CNTN5: variants seen among roughly 807,000 people sequenced by gnomAD.
CNTN5 encodes the protein contactin-5.
Under a neutral mutation model 129.1 loss-of-function variants are expected in CNTN5, and 77 were observed. The observed-to-expected ratio is 0.60, with a 90% CI of 0.50 to 0.72. The LOEUF is 0.72. CNTN5 is among the 30% of genes least tolerant of loss of function. The pLI, the probability that CNTN5 is intolerant of heterozygous loss-of-function variation, is 0.00. For missense variants in CNTN5, 1,478 were observed against 1,328.8 expected (o/e 1.11, Z -1.75); for synonymous variants, 509 against 465.6 (o/e 1.09, Z -1.20).
intron 7 of CNTN5, among the ~76,000 whole-genome samples, chr11:99,921,781 T>G (rs1236488138): frequency 6.6e-6 from 1 of 152,144 alleles, no homozygotes; most frequent in East Asian, 1.9e-4. Context: ...TATTCAGAAA[T>G]ATATGAAATG....
At chr11:99,244,098 A>T (rs756149815) in intron 1 of CNTN5, among the ~76,000 whole-genome samples, 8 of 152,172 alleles carry the variant, frequency 5.3e-5, no homozygotes, top group Non-Finnish European at 1.2e-4. Flanking sequence ...ATCCATGAAC[A>T]TAGAATGTTT....
At chr11:100,038,388 C>G (rs1031563718) in intron 9 of CNTN5, among the ~76,000 whole-genome samples, 17 of 152,060 alleles carry the variant, frequency 1.1e-4, no homozygotes, top group Non-Finnish European at 2.2e-4. Flanking sequence ...TTACTTCCAA[C>G]TATGTGGTCA....
intron 2 of CNTN5, among the ~76,000 whole-genome samples, chr11:99,510,577 C>G (rs572134880): frequency 3.3e-5 from 5 of 152,114 alleles, no homozygotes; most frequent in African/African-American, 1.2e-4. Flanking sequence ...GTCATGTACC[C>G]CATAACAATG....
At chr11:99,771,775 A>G (rs1048602567) in intron 3 of CNTN5, among the ~76,000 whole-genome samples, 2 of 151,984 alleles carry the variant, frequency 1.3e-5, no homozygotes, top group African/African-American at 4.8e-5. Context: ...GAAATTTGCT[A>G]AGATGGTAGA....
intron 3 of CNTN5, among the ~76,000 whole-genome samples, chr11:99,697,669 G>T (rs1193526145): frequency 6.6e-6 from 1 of 151,598 alleles, no homozygotes; most frequent in African/African-American, 2.4e-5. Flanking sequence ...AATAAAGTAT[G>T]AACTTTAATG....
intron 20 of CNTN5, among the ~76,000 whole-genome samples, chr11:100,306,168 T>C (rs2138914434): frequency 6.6e-6 from 1 of 151,700 alleles, no homozygotes; most frequent in Middle Eastern, 3.4e-3. Flanking sequence ...AAAATGCAAA[T>C]GTGAAATGTA....
chr11:100,037,691 T>A (rs1183346474), intron 9 of CNTN5, among the ~76,000 whole-genome samples: 1 of 152,234 alleles, frequency 6.6e-6, no homozygotes, highest in Non-Finnish European at 1.5e-5. Context: ...CCTGGTTTAG[T>A]CTTGGGAGGA....
chr11:100,230,936 A>T (rs1383857367), intron 16 of CNTN5, among the ~76,000 whole-genome samples: 1 of 152,200 alleles, frequency 6.6e-6, no homozygotes, highest in East Asian at 1.9e-4. Context: ...GACTTAACCT[A>T]TGTTTCTTAC....
intron 2 of CNTN5, among the ~76,000 whole-genome samples, chr11:99,548,652 A>G (rs892092468): frequency 2.0e-5 from 3 of 152,182 alleles, no homozygotes; most frequent in Non-Finnish European, 4.4e-5. Flanking sequence ...AATAAAGTAC[A>G]TTATTCTCAT....
Position 99,658,736 on chromosome 11 carries a change from A to T in CNTN5, c.55+102467A>T, listed in dbSNP as rs991979375. Among the ~76,000 whole-genome samples, 6 of 143,714 alleles carry T rather than the reference A, an allele frequency of 4.2e-5. No homozygotes were observed. The South Asian group carries it at 9.1e-4, about 22-fold the overall frequency. The allele number at this position is 143,714 out of a possible 152,430, so 94.3% of individuals were successfully genotyped here. On this transcript the variant is annotated intron_variant, in intron 3 of 24. Transcript: ENST00000524871. ...AAAAAAAAATATATATATATATATA[A>T]AATTAGCCAGGCGCGGTGGCACATG...
At chr11:99,474,330 T>C (rs1945287839) in intron 2 of CNTN5, among the ~76,000 whole-genome samples, 1 of 152,102 alleles carries the variant, frequency 6.6e-6, no homozygotes, top group African/African-American at 2.4e-5. Flanking sequence ...ATCCTCTGCG[T>C]CTTCTTCCCC....
intron 23 of CNTN5, among the ~76,000 whole-genome samples, chr11:100,343,674 G>A (rs544496714): frequency 4.6e-5 from 7 of 152,162 alleles, no homozygotes; most frequent in South Asian, 4.1e-4. Flanking sequence ...TGAGTATGAC[G>A]TTGAAGACAG....
At chr11:99,186,713 T>C (rs916464705) in intron 1 of CNTN5, among the ~76,000 whole-genome samples, 3 of 151,938 alleles carry the variant, frequency 2.0e-5, no homozygotes, top group African/African-American at 7.2e-5. Context: ...ATTCTTTTCT[T>C]AGAAAAGTGA....
At chr11:99,533,145 C>T (rs1277794769) in intron 2 of CNTN5, among the ~76,000 whole-genome samples, 1 of 152,198 alleles carries the variant, frequency 6.6e-6, no homozygotes, top group African/African-American at 2.4e-5. Context: ...ATCACTTGAA[C>T]CCGGGAGAAG....
intron 1 of CNTN5, among the ~76,000 whole-genome samples, chr11:99,287,853 G>C (rs576402169): frequency 8.6e-5 from 13 of 151,928 alleles, no homozygotes; most frequent in Non-Finnish European, 1.8e-4. Context: ...AAAGAAGGGG[G>C]AGGATGTGGA....
chr11:99,022,476 C>A (rs552857983), intron 1 of CNTN5, among the ~76,000 whole-genome samples: 2 of 152,156 alleles, frequency 1.3e-5, no homozygotes, highest in South Asian at 4.2e-4. Context: ...TTGAGCAATT[C>A]TCATGGTTGC....
intron 3 of CNTN5, among the ~76,000 whole-genome samples, chr11:99,719,197 T>C (rs1304117973): frequency 2.0e-5 from 3 of 152,004 alleles, no homozygotes; most frequent in Non-Finnish European, 2.9e-5. Flanking sequence ...CACACACTTC[T>C]AGTCCCAGCT....
chr11:99,547,989 G>A (rs1037099988), intron 2 of CNTN5, among the ~76,000 whole-genome samples: 2 of 152,092 alleles, frequency 1.3e-5, no homozygotes, highest in African/African-American at 4.8e-5. Flanking sequence ...TACCTATATG[G>A]TTCTTTTTGT....
chr11:99,429,571 T>G (rs2135096560), intron 2 of CNTN5, among the ~76,000 whole-genome samples: 1 of 152,172 alleles, frequency 6.6e-6, no homozygotes, highest in East Asian at 1.9e-4. Flanking sequence ...ATGGATACCA[T>G]GCCAAACATT....
Sources: allele counts gnomAD v4.1 joint callset (sites outside exome capture counted in the v4.1 genomes callset), GRCh38; gene constraint gnomAD v4.1.1; transcripts MANE v1.5; gene names NCBI Gene and HGNC (gene_info 2026-07-23, HGNC 2026-07-21).